The following CHIC2 variants were observed in gnomAD, a reference collection of about 807,000 sequenced individuals.
The protein encoded by CHIC2 is cysteine-rich hydrophobic domain-containing protein 2.
Under a neutral mutation model 25.9 loss-of-function variants are expected in CHIC2, and 14 were observed. The observed-to-expected ratio is 0.54, with a 90% CI of 0.36 to 0.85. The LOEUF (loss-of-function observed/expected upper bound fraction) is 0.85. Among genes scored for constraint, CHIC2 ranks in the 40% least tolerant of loss-of-function variants. The pLI is 0.01. For missense variants in CHIC2, 146 were observed against 202.0 expected (o/e 0.72, Z 1.68); for synonymous variants, 70 against 72.0 (o/e 0.97, Z 0.14).
Position 54,053,486 on chromosome 4 carries a change from C to T in CHIC2, c.120-4181G>A, listed in dbSNP as rs1251497446. Among the ~76,000 whole-genome samples the T allele has an allele frequency of 4.2e-5, 6 of 142,990 alleles. No homozygotes were observed. In the South Asian group the frequency reaches 6.8e-4, roughly 16 times the overall value. The allele number at this position is 142,990 out of a possible 152,430, so 93.8% of individuals were successfully genotyped here. ...TAGGAGAATTGCTGGAACCCGGAGG[C>T]GGAGGTTGCAGTGAGCCAAGATTGC... On this transcript the variant is annotated intron_variant, in intron 1 of 5. Transcript: ENST00000263921.
At chr4:54,056,012 T>C (rs546653878) in intron 1 of CHIC2, among the ~76,000 whole-genome samples, 1 of 152,322 alleles carries the variant, frequency 6.6e-6, no homozygotes, top group African/African-American at 2.4e-5. Flanking sequence ...GAAAGTTTAA[T>C]CTCATTCAGG....
At chr4:54,018,312 A>T (rs1715804646) in intron 3 of CHIC2, among the ~76,000 whole-genome samples, 1 of 152,130 alleles carries the variant, frequency 6.6e-6, no homozygotes, top group East Asian at 1.9e-4. Context: ...CTGAAAATTC[A>T]AATTTGAATT....
At chr4:54,015,180 T>C (rs1715701156) in intron 3 of CHIC2, among the ~76,000 whole-genome samples, 1 of 152,132 alleles carries the variant, frequency 6.6e-6, no homozygotes, top group Non-Finnish European at 1.5e-5. Flanking sequence ...CAAAGTCACA[T>C]AGATGCCAAT....
intron 1 of CHIC2, among the ~76,000 whole-genome samples, chr4:54,050,114 C>G (rs1486159260): frequency 6.6e-6 from 1 of 152,128 alleles, no homozygotes; most frequent in Non-Finnish European, 1.5e-5. Flanking sequence ...CAAATCACAA[C>G]TACTGAGCAC....
chr4:54,065,298 A>G (rs1454043004), upstream of CHIC2: 6 of 984,706 alleles, frequency 6.1e-6, no homozygotes, highest in Non-Finnish European at 6.0e-6. Context: ...AAAACTGATA[A>G]ATTACCTGGA....
rs1371763498 is a variant in CHIC2 at position 54,049,062 on chromosome 4, G to C, written c.223C>G (p.Leu75Val). The C allele has an allele frequency of 6.2e-7, 1 of 1,612,532 alleles. No homozygotes were observed. The highest frequency in any genetic ancestry group is 8.5e-7 in the Non-Finnish European group (1 of 1,179,358). The change falls in exon 3 of 6, where the codon CTT (leucine) becomes GTT (valine). Residue 75 changes from leucine (L) to valine (V), a missense_variant. Leu to Val is a conservative substitution (Grantham distance 32). Transcript: ENST00000263921. Reference sequence around the variant, plus strand: ...ACATTAACAGGAAGGTTCTTCTTAAGACAACTGTTAACTCTGTTGATGCTG... The same window carrying C: ...ACATTAACAGGAAGGTTCTTCTTAACACAACTGTTAACTCTGTTGATGCTG... ...KASINRVNSC[L>V]KKNLPVNVRW...
At chr4:54,044,808 T>A (rs562059523) in intron 3 of CHIC2, among the ~76,000 whole-genome samples, 21 of 145,664 alleles carry the variant, frequency 1.4e-4, no homozygotes, top group South Asian at 4.4e-4. Flanking sequence ...AGAGCAGAAC[T>A]GAAGGAAATA....
intron 3 of CHIC2, among the ~76,000 whole-genome samples, chr4:54,018,120 G>A (rs972291953): frequency 6.6e-6 from 1 of 151,988 alleles, no homozygotes; most frequent in African/African-American, 2.4e-5. Flanking sequence ...AACGGAAAGA[G>A]AACTAAAAGG....
At chr4:54,056,099 T>C (rs939601457) in intron 1 of CHIC2, among the ~76,000 whole-genome samples, 5 of 152,198 alleles carry the variant, frequency 3.3e-5, no homozygotes, top group African/African-American at 1.2e-4. Flanking sequence ...CCATTATACA[T>C]AGTCTTATAA....
At chr4:54,073,940 A>C in the CHIC2 span, among the ~76,000 whole-genome samples, 1 of 152,176 alleles carries the variant, frequency 6.6e-6, no homozygotes, top group Non-Finnish European at 1.5e-5. Flanking sequence ...GCAGATCACA[A>C]GGTCAAGAGA....
intron 3 of CHIC2, among the ~76,000 whole-genome samples, chr4:54,045,753 C>G (rs1450779010): frequency 2.0e-5 from 3 of 151,954 alleles, no homozygotes; most frequent in African/African-American, 2.4e-5. Context: ...ACAGGGATGC[C>G]CTCTCTCACC....
chr4:54,025,238 T>C (rs936899096), intron 3 of CHIC2, among the ~76,000 whole-genome samples: 2 of 152,096 alleles, frequency 1.3e-5, no homozygotes, highest in African/African-American at 4.8e-5. Context: ...ACTGATGACA[T>C]TCCACCACTG....
At chr4:54,011,381 A>G (rs999163065) in intron 5 of CHIC2, among the ~76,000 whole-genome samples, 6 of 152,132 alleles carry the variant, frequency 3.9e-5, no homozygotes, top group Admixed American at 3.9e-4. Flanking sequence ...AATATTCACT[A>G]GCTCCCTGTT....
intron 3 of CHIC2, among the ~76,000 whole-genome samples, chr4:54,028,531 A>C (rs9993372): frequency 0.4 from 60,359 of 152,020 alleles, 13,011 homozygotes; most frequent in African/African-American, 0.56. Context: ...TAACTCCATC[A>C]CTGGTAAAGA....
upstream of CHIC2, among the ~76,000 whole-genome samples, chr4:54,066,145 GT>G (rs1256349767): frequency 6.7e-4 from 102 of 152,292 alleles, no homozygotes; most frequent in Non-Finnish European, 1.0e-4. Flanking sequence ...TTGGTCTGGT[GT>G]TTAACAATGT....
chr4:54,050,880 A>AT (rs1716990883), intron 1 of CHIC2, among the ~76,000 whole-genome samples: 1 of 151,886 alleles, frequency 6.6e-6, no homozygotes, highest in Non-Finnish European at 1.5e-5. Flanking sequence ...ATACTTGTAT[A>AT]TATCTTCACT....
the CHIC2 span, among the ~76,000 whole-genome samples, chr4:54,086,484 T>C: frequency 6.6e-6 from 1 of 152,156 alleles, no homozygotes; most frequent in Non-Finnish European, 1.5e-5. Context: ...TTGTTCTCAA[T>C]GAACCCAGTA....
rs954546900 is a variant in CHIC2, at chr4:54,014,075, C to T, written c.375G>A (p.Arg125=). Residue 125 remains arginine, a synonymous_variant, in exon 4 of 6, where the codon AGG becomes AGA. Coordinates refer to ENST00000263921, the MANE Select transcript of CHIC2 (RefSeq NM_012110.4). ...IEKLLEWENN[R]LYHKLCLHWR... ...CTGTGGTACTCACCTTGTGGTATAA[C>T]CTATTGTTTTCCCATTCTAATAACT... is the stretch of plus-strand genomic sequence containing the variant. 36 of 1,613,264 alleles carry T rather than the reference C, an allele frequency of 2.2e-5. No homozygotes were observed. The highest frequency in any genetic ancestry group is 3.0e-5 in the Non-Finnish European group (35 of 1,179,576).
At chr4:54,037,505 A>G (rs1452423547) in intron 3 of CHIC2, among the ~76,000 whole-genome samples, 1 of 152,234 alleles carries the variant, frequency 6.6e-6, no homozygotes, top group Non-Finnish European at 1.5e-5. Context: ...AATGATGAGT[A>G]TGTTCACTAT....
Sources: gnomAD v4.1 joint callset for allele counts (sites outside exome capture counted in the v4.1 genomes callset) on GRCh38, gnomAD v4.1.1 for gene constraint, MANE v1.5 for transcripts, NCBI Gene and HGNC (gene_info 2026-07-23, HGNC 2026-07-21) for gene names.